The following PTPRM variants were observed in gnomAD, a reference collection of about 807,000 sequenced individuals.
PTPRM encodes protein tyrosine phosphatase receptor type M, also known as receptor-type tyrosine-protein phosphatase mu.
In PTPRM, 47 loss-of-function variants were observed where a neutral mutation model predicts 186.7. That is an observed-to-expected ratio of 0.25 (90% CI 0.20 to 0.32). PTPRM has a LOEUF of 0.32. Ranked by LOEUF, PTPRM falls within the 10% of genes least tolerant of loss-of-function variation. The probability of loss-of-function intolerance (pLI) is 1.00; values close to 1 mark genes in which losing one functional copy is unlikely to be tolerated. For missense variants in PTPRM, 1,494 were observed against 1,865.0 expected (o/e 0.80, Z 3.66); for synonymous variants, 668 against 674.9 (o/e 0.99, Z 0.16).
chr18:7,783,545 G>A (rs1019152673), intron 2 of PTPRM, among the ~76,000 whole-genome samples: 1 of 152,100 alleles, frequency 6.6e-6, no homozygotes, highest in Non-Finnish European at 1.5e-5. Flanking sequence ...CAGCAGAACA[G>A]TGCCCTCTCT....
chr18:8,141,393 G>A (rs1446731463), intron 13 of PTPRM, among the ~76,000 whole-genome samples: 1 of 152,176 alleles, frequency 6.6e-6, no homozygotes, highest in Non-Finnish European at 1.5e-5. Flanking sequence ...CCCTTGACCT[G>A]CAATGTGAAA....
At chr18:8,394,179 T>C (rs2095833916) in intron 31 of PTPRM, among the ~76,000 whole-genome samples, 1 of 152,040 alleles carries the variant, frequency 6.6e-6, no homozygotes, top group South Asian at 2.1e-4. Flanking sequence ...CTAAATAAGG[T>C]TCATTGAAAA....
chr18:7,980,667 A>C (rs2147436611), intron 7 of PTPRM, among the ~76,000 whole-genome samples: 1 of 152,280 alleles, frequency 6.6e-6, no homozygotes, highest in East Asian at 1.9e-4. Flanking sequence ...CACAGGTTTG[A>C]GCCACTGTGT....
chr18:7,753,504 C>G (rs1166911728), intron 1 of PTPRM, among the ~76,000 whole-genome samples: 1 of 152,016 alleles, frequency 6.6e-6, no homozygotes, highest in African/African-American at 2.4e-5. Flanking sequence ...CTTAGTTTGC[C>G]CATCAGCTAA....
At position 7,668,571 on chromosome 18, in the gene PTPRM, TGGCCTCTGAGTCCTGCATG is replaced by T. The variant is rs2039148591; in HGVS notation, c.73+100682_73+100700del. 2.0e-5 allele frequency among the ~76,000 whole-genome samples: 3 copies of T among 152,148 alleles called. No homozygotes were observed. Among genetic ancestry groups the T allele is most frequent in the Admixed American group, 1.3e-4 (2 of 15,278 alleles). ...ATTCCAGAGGCTGCAGTCCTCACAGTGGCCTCTGAGTCCTGCATGGCCTGGCCCCATCACCTCTGTGACC... is the reference window on the plus strand; with the variant it reads ...ATTCCAGAGGCTGCAGTCCTCACAGTGCCTGGCCCCATCACCTCTGTGACC... On this transcript the variant is annotated intron_variant, in intron 1 of 32. Coordinates refer to ENST00000580170, the MANE Select transcript of PTPRM (RefSeq NM_001105244.2). The surrounding 1 kb of genome is among the most constrained non-coding windows in gnomAD (Gnocchi z 4.7).
chr18:8,057,425 C>CTTTTTTTTTTTTTTTTTTTTTTAGTTATT (rs2088081647), intron 7 of PTPRM, among the ~76,000 whole-genome samples: 2 of 102,562 alleles, frequency 2.0e-5, no homozygotes, highest in African/African-American at 8.6e-5. Flanking sequence ...TGTGATACTT[C>CTTTTTTTTTTTTTTTTTTTTTTAGTTATT]TTTTTTTTTT....
At chr18:7,706,981 G>A (rs995185515) in intron 1 of PTPRM, among the ~76,000 whole-genome samples, 1 of 152,028 alleles carries the variant, frequency 6.6e-6, no homozygotes, top group Non-Finnish European at 1.5e-5. Context: ...GTGAGTTGGG[G>A]TGTGGACATG....
intron 23 of PTPRM, among the ~76,000 whole-genome samples, chr18:8,362,686 C>T (rs960667222): frequency 4.6e-5 from 7 of 152,202 alleles, no homozygotes; most frequent in Non-Finnish European, 8.8e-5. Context: ...CCTTATGAAG[C>T]TTTGCATACC....
At chr18:8,390,827 C>G (rs536520420) in intron 31 of PTPRM, among the ~76,000 whole-genome samples, 53 of 152,060 alleles carry the variant, frequency 3.5e-4, no homozygotes, top group Admixed American at 2.2e-3. Flanking sequence ...ACTTGGGAGG[C>G]TGAGGCAGGA....
At chr18:7,815,997 A>G (rs1197586689) in intron 2 of PTPRM, among the ~76,000 whole-genome samples, 6 of 152,216 alleles carry the variant, frequency 3.9e-5, no homozygotes, top group African/African-American at 1.4e-4. Flanking sequence ...AACAGGTGTG[A>G]TAAGACATCA....
At chr18:7,591,604 G>A (rs907295034) in intron 1 of PTPRM, among the ~76,000 whole-genome samples, 12 of 152,102 alleles carry the variant, frequency 7.9e-5, no homozygotes, top group African/African-American at 2.9e-4. Context: ...TTATTTGAGG[G>A]AAAATAAATG....
At chr18:8,343,851 T>C (rs1429965637) in intron 23 of PTPRM, among the ~76,000 whole-genome samples, 2 of 90,786 alleles carry the variant, frequency 2.2e-5, no homozygotes, top group African/African-American at 3.2e-5. Flanking sequence ...TAGACATGAC[T>C]ACCTTCCCAA....
chr18:7,987,792 T>C (rs1440487827), intron 7 of PTPRM, among the ~76,000 whole-genome samples: 1 of 152,194 alleles, frequency 6.6e-6, no homozygotes. Flanking sequence ...GATTCACTTT[T>C]GTTCACAGTC....
intron 1 of PTPRM, among the ~76,000 whole-genome samples, chr18:7,739,877 G>A (rs1167372788): frequency 6.6e-6 from 1 of 152,156 alleles, no homozygotes; most frequent in Admixed American, 6.5e-5. Flanking sequence ...GGCTCCATCT[G>A]TGTGTCTCTT....
In PTPRM at chr18:8,112,885, G is replaced by C. The variant is rs542029521; in HGVS notation, c.1857-601G>C. On this transcript the variant is annotated intron_variant, in intron 11 of 32. Coordinates refer to ENST00000580170, the MANE Select transcript of PTPRM (RefSeq NM_001105244.2). ...CTTACTAATCACTTGGAACTCCAAG[G>C]CTTTGGCTTTTGAAACTATAATCCC... is the stretch of plus-strand genomic sequence containing the variant. 5.3e-5 allele frequency among the ~76,000 whole-genome samples: 8 copies of C among 152,268 alleles called. 1 individual carries two copies. Among genetic ancestry groups the C allele is most frequent in the African/African-American group, 1.7e-4 (7 of 41,556 alleles).
At chr18:7,866,760 T>A (rs112501031) in intron 2 of PTPRM, among the ~76,000 whole-genome samples, 33,749 of 152,068 alleles carry the variant, frequency 0.22, 4,278 homozygotes, top group East Asian at 0.5. Context: ...TTCTTTCTAG[T>A]TGATCTGTCT....
chr18:7,862,005 C>T (rs909443467), intron 2 of PTPRM, among the ~76,000 whole-genome samples: 5 of 151,754 alleles, frequency 3.3e-5, no homozygotes, highest in Admixed American at 1.3e-4. Flanking sequence ...TCATAAGGGA[C>T]GAGGAATCAC....
chr18:8,274,605 G>A (rs556533366), intron 19 of PTPRM, among the ~76,000 whole-genome samples: 3 of 152,124 alleles, frequency 2.0e-5, no homozygotes, highest in East Asian at 1.9e-4. Flanking sequence ...CCATTTTTCA[G>A]AATGACATCC....
At chr18:8,370,189 CAAAAAAA>C (rs11288424) in intron 23 of PTPRM, among the ~76,000 whole-genome samples, 7 of 121,890 alleles carry the variant, frequency 5.7e-5, no homozygotes, top group African/African-American at 1.3e-4. Flanking sequence ...ACATTCTTAC[CAAAAAAA>C]AAAAAAAAAA....
Sources: gnomAD v4.1 joint callset for allele counts (sites outside exome capture counted in the v4.1 genomes callset) on GRCh38, gnomAD v4.1.1 for gene constraint, Gnocchi (gnomAD v3.1) non-coding constraint, MANE v1.5 for transcripts, NCBI Gene and HGNC (gene_info 2026-07-23, HGNC 2026-07-21) for gene names.